Variants in FYB1 observed in about 807,000 individuals in gnomAD.
FYB1 encodes the protein FYN binding protein 1, also known as FYN-binding protein 1.
FYB1 carries 41 observed loss-of-function variants against 94.1 expected under a neutral mutation model. The ratio of observed to expected loss-of-function variants is 0.44; its 90% confidence interval spans 0.34 to 0.57. The LOEUF (loss-of-function observed/expected upper bound fraction) is 0.57. Ranked by LOEUF, FYB1 falls within the 20% of genes least tolerant of loss-of-function variation. The pLI is 0.02. For missense variants in FYB1, 1,050 were observed against 976.8 expected (o/e 1.07, Z -1.00); for synonymous variants, 367 against 353.2 (o/e 1.04, Z -0.44).
chr5:39,161,339 G>A (rs1454339206), intron 2 of FYB1, among the ~76,000 whole-genome samples: 1 of 151,932 alleles, frequency 6.6e-6, no homozygotes, highest in Non-Finnish European at 1.5e-5. Flanking sequence ...ATAAATATCT[G>A]CACAGTAAAA....
At chr5:39,238,699 T>C (rs1751076137) in intron 1 of FYB1, among the ~76,000 whole-genome samples, 1 of 152,088 alleles carries the variant, frequency 6.6e-6, no homozygotes, top group Non-Finnish European at 1.5e-5. Flanking sequence ...GCACAAAATC[T>C]GTCTAGGAGC....
intron 4 of FYB1, chr5:39,139,486 G>A: frequency 3.3e-6 from 1 of 306,814 alleles, no homozygotes; most frequent in Non-Finnish European, 5.9e-6. Flanking sequence ...ATAAAATAAT[G>A]CAAAGGGCGA....
chr5:39,196,776 G>A (rs534200010), intron 2 of FYB1, among the ~76,000 whole-genome samples: 4 of 152,306 alleles, frequency 2.6e-5, no homozygotes, highest in African/African-American at 9.6e-5. Flanking sequence ...AGTGGAATGC[G>A]GGTGGGAACA....
Position 39,106,320 on chromosome 5 carries a change from A to G in FYB1, c.*1123T>C, listed in dbSNP as rs1342772801. ...TGTACTCTAGGAGTTGTTAAAAAGC[A>G]CTTAATATCTTCTTTTCTTGGGTGT... On this transcript the variant is annotated 3_prime_UTR_variant, in exon 19 of 19. Transcript: ENST00000512982. 1 of 152,148 alleles carries G rather than the reference A, an allele frequency of 6.6e-6. No individual in the cohort carries two copies. The highest frequency in any genetic ancestry group is 1.5e-5 in the Non-Finnish European group (1 of 67,990). The allele number at this position is 152,148 out of a possible 1,614,324, so 9.4% of individuals were successfully genotyped here. A position where few individuals can be genotyped will look rare whatever the true frequency, so the allele number is the denominator to read the frequency against.
chr5:39,175,840 T>C (rs1195729074), intron 2 of FYB1, among the ~76,000 whole-genome samples: 2 of 152,176 alleles, frequency 1.3e-5, no homozygotes, highest in Non-Finnish European at 2.9e-5. Context: ...AATAACCTAG[T>C]GAATGCTACT....
At chr5:39,229,487 T>C (rs192313293) in intron 1 of FYB1, among the ~76,000 whole-genome samples, 23 of 152,304 alleles carry the variant, frequency 1.5e-4, no homozygotes, top group Admixed American at 1.2e-3. Context: ...CTAAACTCCT[T>C]TAAGTCTGAC....
chr5:39,196,488 C>G (rs1223780560), intron 2 of FYB1, among the ~76,000 whole-genome samples: 1 of 152,120 alleles, frequency 6.6e-6, no homozygotes, highest in Non-Finnish European at 1.5e-5. Flanking sequence ...AGCCACCGCA[C>G]CCGGTCTGGT....
rs561222228 is a variant in FYB1, at chr5:39,256,992, GTGTTTTCAC to G, written c.-28+17402_-28+17410del. Among the ~76,000 whole-genome samples the G allele has an allele frequency of 9.3e-4, 142 of 152,286 alleles. 3 individuals are homozygous for G. Among genetic ancestry groups the G allele is most frequent in the African/African-American group, 3.1e-3 (130 of 41,554 alleles). ...TTCAGCCTCCCAAACATCTGTGAAA[GTGTTTTCAC>G]TGTTTTCACTAGATTTCACAGAAAT... On this transcript the variant is annotated intron_variant, in intron 1 of 1. Coordinates refer to the FYB1 transcript ENST00000510188.
At chr5:39,203,135 G>T in intron 1 of FYB1, 148 bp from the exon 2 acceptor site, 1 of 654,266 alleles carries the variant, frequency 1.5e-6, no homozygotes, top group South Asian at 2.1e-5. Context: ...CTTCCTCTCT[G>T]GCAAAATAAG....
In FYB1 at chr5:39,137,678, T is replaced by C; in HGVS notation, c.1437A>G (p.Glu479=). ...TTTTCTCCAGCTCTAACCTCTTCTT[T>C]TCTTCCTTTTCCCTTTTCTTCTCTC... The part of the protein sequence containing the change: ...KEREKKREKE[E]KKRLELEKKE... Residue 479 remains glutamate, a synonymous_variant, in exon 7 of 19, where the codon GAA becomes GAG. Coordinates refer to ENST00000512982, the MANE Select transcript of FYB1 (RefSeq NM_001465.6). The C allele has an allele frequency of 6.5e-7, 1 of 1,542,956 alleles. No homozygotes were observed. The highest frequency in any genetic ancestry group is 8.8e-7 in the Non-Finnish European group (1 of 1,139,172).
intron 1 of FYB1, among the ~76,000 whole-genome samples, chr5:39,227,205 C>T (rs1579737018): frequency 6.6e-6 from 1 of 151,908 alleles, no homozygotes; most frequent in African/African-American, 2.4e-5. Context: ...TAAAATATAC[C>T]AAAAAGATAT....
rs528657418 is a variant in FYB1, at chr5:39,215,444, T to C, written c.-28+3999A>G. On this transcript the variant is annotated intron_variant, in intron 1 of 18. Transcript: ENST00000512982. Reference sequence around the variant, plus strand: ...AAATGATGAGAAGCACATTGTGTGGTAGGATCACCCTGGGGGAAGTTTTTT... The same window carrying C: ...AAATGATGAGAAGCACATTGTGTGGCAGGATCACCCTGGGGGAAGTTTTTT... Among the ~76,000 whole-genome samples, 52 of 152,272 alleles carry C rather than the reference T, an allele frequency of 3.4e-4. No homozygotes were observed. The South Asian group carries it at 7.2e-3, about 21-fold the overall frequency.
rs776795700 is a variant in FYB1, at chr5:39,159,761, A to T, written c.1136-6157T>A. 2.7e-3 allele frequency among the ~76,000 whole-genome samples: 417 copies of T among 152,234 alleles called. 7 individuals carry two copies. The highest frequency in any genetic ancestry group is 2.9e-3 in the Non-Finnish European group (198 of 68,034). On this transcript the variant is annotated intron_variant, in intron 2 of 18. Transcript: ENST00000512982. ...TTCTAACAATGGCATTTTAGTTCCC[A>T]TCAGTGCCTGCTTCCTTGTACAGCC...
At chr5:39,116,662 C>A (rs1425795706) in intron 16 of FYB1, among the ~76,000 whole-genome samples, 1 of 151,958 alleles carries the variant, frequency 6.6e-6, no homozygotes, top group African/African-American at 2.4e-5. Context: ...TCACTGGTGC[C>A]GTATCTATTC....
chr5:39,203,345 CTA>C (rs1748550817), intron 1 of FYB1, among the ~76,000 whole-genome samples: 1 of 151,956 alleles, frequency 6.6e-6, no homozygotes, highest in Admixed American at 6.6e-5. Context: ...ATGGAAGTGA[CTA>C]AAAAAAGATT....
Position 39,273,925 on chromosome 5 carries a change from CT to C in FYB1, c.-28+477del, listed in dbSNP as rs746128869. Among the ~76,000 whole-genome samples, 288 of 146,776 alleles carry C rather than the reference CT, an allele frequency of 2.0e-3. 1 individual carries two copies. The highest frequency in any genetic ancestry group is 4.6e-3 in the African/African-American group (183 of 40,214). On this transcript the variant is annotated intron_variant, in intron 1 of 1. Transcript: ENST00000510188. ...CATCGTCAGTGTTTTATCTATTATG[CT>C]TTTTTTTTTTCTTTTTGAGACAGAG...
At chr5:39,232,882 A>G (rs1750808503) in intron 1 of FYB1, among the ~76,000 whole-genome samples, 1 of 151,956 alleles carries the variant, frequency 6.6e-6, no homozygotes, top group Non-Finnish European at 1.5e-5. Flanking sequence ...CCATGTCCCT[A>G]CAAAGGACAT....
chr5:39,214,881 A>C (rs773425133), intron 1 of FYB1, among the ~76,000 whole-genome samples: 2 of 152,170 alleles, frequency 1.3e-5, no homozygotes, highest in African/African-American at 2.4e-5. Context: ...GTGAGCCAAG[A>C]TCGCACCACT....
At chr5:39,174,070 A>C (rs1429753142) in intron 2 of FYB1, among the ~76,000 whole-genome samples, 1 of 152,186 alleles carries the variant, frequency 6.6e-6, no homozygotes, top group African/African-American at 2.4e-5. Flanking sequence ...CAATTCTTCC[A>C]ATCCATGAGC....
Sources: gnomAD v4.1 joint callset for allele counts (sites outside exome capture counted in the v4.1 genomes callset) on GRCh38, gnomAD v4.1.1 for gene constraint, MANE v1.5 for transcripts, NCBI Gene and HGNC (gene_info 2026-07-23, HGNC 2026-07-21) for gene names.